The following CMSS1 variants were observed in gnomAD, a reference collection of about 807,000 sequenced individuals.
CMSS1 encodes the protein protein CMSS1.
In CMSS1, 33 loss-of-function variants were observed where a neutral mutation model predicts 43.5. The ratio of observed to expected loss-of-function variants is 0.76; its 90% CI spans 0.57 to 1.01. The LOEUF is 1.01. Ranked by LOEUF, CMSS1 falls within the 50% of genes least tolerant of loss-of-function variation. The pLI, the probability that CMSS1 is intolerant of heterozygous loss-of-function variation, is 0.00. For missense variants in CMSS1, 313 were observed against 326.4 expected, an observed-to-expected ratio of 0.96 and a Z score of 0.32; for synonymous variants, 115 against 117.2, an observed-to-expected ratio of 0.98 and a Z score of 0.12.
chr3:99,831,312 T>C (rs781070618), intron 1 of CMSS1, among the ~76,000 whole-genome samples: 1 of 152,252 alleles, frequency 6.6e-6, no homozygotes, highest in African/African-American at 2.4e-5. Flanking sequence ...ATTATTTACA[T>C]GTGAAGAGAA....
chr3:100,078,121 A>T (rs1374638484), intron 1 of CMSS1, among the ~76,000 whole-genome samples: 1 of 152,162 alleles, frequency 6.6e-6, no homozygotes, highest in African/African-American at 2.4e-5. Context: ...TAAAAATTTC[A>T]TGTCAGTATT....
At chr3:99,866,420 A>G (rs1454050315) in intron 1 of CMSS1, among the ~76,000 whole-genome samples, 1 of 149,908 alleles carries the variant, frequency 6.7e-6, no homozygotes, top group Non-Finnish European at 1.5e-5. Flanking sequence ...AGAAACCACA[A>G]CAACAGATGC....
chr3:99,850,379 C>T lies in CMSS1; in HGVS notation c.64+32336C>T, dbSNP rs368967496. ...CATTCTTGTTTGCTTTTGTTGAAAG[C>T]GTCTTCTAACTTTTCCAGAGCCATA... On this transcript the variant is annotated intron_variant, in intron 1 of 9. Transcript: ENST00000421999. 31 of 1,612,744 alleles carry T rather than the reference C, an allele frequency of 1.9e-5. No individual in the cohort carries two copies. The highest frequency in any genetic ancestry group is 1.5e-4 in the African/African-American group (11 of 74,716).
rs9816283 is a variant in CMSS1 at position 99,918,138 on chromosome 3, C to T, written c.64+100095C>T. 7.4e-3 allele frequency among the ~76,000 whole-genome samples: 1,120 copies of T among 152,098 alleles called. 16 individuals are homozygous for T. Among genetic ancestry groups the T allele is most frequent in the Non-Finnish European group, 9.8e-3 (667 of 67,988 alleles). ...GATTACAGGCGCGCGGCACCACGCCCGGCTAATTTTTGTATTTTTAGTAGA... is the reference window on the plus strand; with the variant it reads ...GATTACAGGCGCGCGGCACCACGCCTGGCTAATTTTTGTATTTTTAGTAGA... On this transcript the variant is annotated intron_variant, in intron 1 of 9. Coordinates refer to ENST00000421999, the MANE Select transcript of CMSS1 (RefSeq NM_032359.4).
At chr3:99,968,721 G>A (rs181385193) in intron 1 of CMSS1, among the ~76,000 whole-genome samples, 6 of 152,226 alleles carry the variant, frequency 3.9e-5, no homozygotes, top group Admixed American at 3.9e-4. Flanking sequence ...AGAGAAATAA[G>A]AAAAAATGAG....
intron 1 of CMSS1, among the ~76,000 whole-genome samples, chr3:99,958,955 A>G (rs1708417103): frequency 6.6e-6 from 1 of 152,184 alleles, no homozygotes; most frequent in Non-Finnish European, 1.5e-5. Context: ...GCTCTATACC[A>G]CTGGATTCTT....
intron 1 of CMSS1, among the ~76,000 whole-genome samples, chr3:99,949,469 CTG>C (rs1392114630): frequency 6.6e-6 from 1 of 152,194 alleles, no homozygotes; most frequent in Non-Finnish European, 1.5e-5. Context: ...GCATAACTGT[CTG>C]TGCTTCCACG....
intron 1 of CMSS1, among the ~76,000 whole-genome samples, chr3:100,038,278 A>G (rs1390562125): frequency 1.3e-5 from 2 of 152,204 alleles, no homozygotes; most frequent in African/African-American, 2.4e-5. Flanking sequence ...TCATTAAAAT[A>G]TAACTCTTAC....
At chr3:99,954,273 C>A (rs1201836528) in intron 1 of CMSS1, among the ~76,000 whole-genome samples, 2 of 152,190 alleles carry the variant, frequency 1.3e-5, no homozygotes, top group Non-Finnish European at 2.9e-5. Flanking sequence ...AATTCCACAG[C>A]CCAGGTTCTC....
intron 1 of CMSS1, among the ~76,000 whole-genome samples, chr3:100,087,962 C>G (rs989588516): frequency 6.6e-6 from 1 of 151,512 alleles, no homozygotes; most frequent in African/African-American, 2.4e-5. Context: ...TCTCAAGTAG[C>G]TGGGATTACA....
chr3:100,157,382 T>C (rs1180390131), intron 2 of CMSS1, among the ~76,000 whole-genome samples: 6 of 152,160 alleles, frequency 3.9e-5, no homozygotes, highest in African/African-American at 1.4e-4. Flanking sequence ...TTTTTCTTTT[T>C]GTTATTTATT....
chr3:99,875,315 C>T (rs1325855702), intron 1 of CMSS1, among the ~76,000 whole-genome samples: 4 of 152,140 alleles, frequency 2.6e-5, no homozygotes, highest in Non-Finnish European at 5.9e-5. Flanking sequence ...TAAAATGTTA[C>T]TGATTAATAC....
chr3:99,989,658 C>T (rs1340850326), intron 1 of CMSS1, among the ~76,000 whole-genome samples: 1 of 135,530 alleles, frequency 7.4e-6, no homozygotes, highest in Admixed American at 8.2e-5. Flanking sequence ...AATTTAGTAT[C>T]TTCCTCTATA....
At chr3:100,093,079 GA>G (rs1477587841) in intron 1 of CMSS1, among the ~76,000 whole-genome samples, 2 of 151,866 alleles carry the variant, frequency 1.3e-5, no homozygotes, top group Non-Finnish European at 2.9e-5. Context: ...ATACAGAATG[GA>G]AAAAATTGAA....
At chr3:100,177,019 G>A (rs1559780559) in intron 9 of CMSS1, among the ~76,000 whole-genome samples, 1 of 151,996 alleles carries the variant, frequency 6.6e-6, no homozygotes, top group South Asian at 2.1e-4. Context: ...CACCTACCAC[G>A]CTATTATGGG....
chr3:99,910,659 T>G lies in CMSS1; in HGVS notation c.64+92616T>G, dbSNP rs1207890259. 1.5e-5 allele frequency among the ~76,000 whole-genome samples: 2 copies of G among 136,818 alleles called. 1 individual carries two copies. The highest frequency in any genetic ancestry group is 3.3e-5 in the Non-Finnish European group (2 of 59,840). 89.8% of individuals were successfully genotyped at this position (136,818 alleles called of 152,430 possible). ...TATAATTCTAACTATTATCTCCATA[T>G]GTAAATAAACATTTTATGGGGTTTA... is the stretch of plus-strand genomic sequence containing the variant. On this transcript the variant is annotated intron_variant, in intron 1 of 9. Transcript: ENST00000421999.
At chr3:99,927,057 T>G (rs1052105720) in intron 1 of CMSS1, among the ~76,000 whole-genome samples, 12 of 152,078 alleles carry the variant, frequency 7.9e-5, no homozygotes, top group African/African-American at 2.9e-4. Context: ...ACTCCATATC[T>G]TCCCACCGAT....
chr3:99,943,392 T>G (rs1023339439), intron 1 of CMSS1, among the ~76,000 whole-genome samples: 5 of 152,326 alleles, frequency 3.3e-5, no homozygotes, highest in African/African-American at 1.2e-4. Context: ...ATTTTTCATA[T>G]TCCATCTACT....
chr3:99,841,990 C>G (rs1180277219), intron 1 of CMSS1, among the ~76,000 whole-genome samples: 1 of 151,964 alleles, frequency 6.6e-6, no homozygotes, highest in Admixed American at 6.6e-5. Context: ...GGTATCTGCC[C>G]AGAGGAAAAG....
Sources: allele counts gnomAD v4.1 joint callset (sites outside exome capture counted in the v4.1 genomes callset), GRCh38; gene constraint gnomAD v4.1.1; transcripts MANE v1.5; gene names NCBI Gene and HGNC (gene_info 2026-07-23, HGNC 2026-07-21).